The following BRD4 variants were observed in gnomAD, a reference collection of about 807,000 sequenced individuals.
BRD4 encodes the protein bromodomain containing 4, also known as bromodomain-containing protein 4.
BRD4 carries 16 observed loss-of-function variants against 142.1 expected under a neutral mutation model. The observed-to-expected ratio is 0.11, with a 90% CI of 0.08 to 0.17. The LOEUF is 0.17. Ranked by LOEUF, BRD4 falls within the 10% of genes least tolerant of loss-of-function variation. The pLI is 1.00. For missense variants in BRD4, 1,424 were observed against 1,810.9 expected (o/e 0.79, Z 3.88); for synonymous variants, 833 against 707.5 (o/e 1.18, Z -2.82).
intron 1 of BRD4, among the ~76,000 whole-genome samples, chr19:15,325,456 C>T (rs2145006612): frequency 6.6e-6 from 1 of 152,234 alleles, no homozygotes; most frequent in African/African-American, 2.4e-5. Context: ...CAAAGTCCAA[C>T]TCTGGGCAGG....
chr19:15,321,239 G>GGAAAGGAAA (rs201640008), intron 1 of BRD4, among the ~76,000 whole-genome samples: 1 of 151,186 alleles, frequency 6.6e-6, no homozygotes, highest in Non-Finnish European at 1.5e-5. Context: ...AATGGGAAAG[G>GGAAAGGAAA]GAAAGGAAAG....
chr19:15,312,483 T>C (rs1344787929), intron 1 of BRD4, among the ~76,000 whole-genome samples: 1 of 150,470 alleles, frequency 6.6e-6, no homozygotes, highest in Non-Finnish European at 1.5e-5. Flanking sequence ...ATACAAAAAA[T>C]TAGCTGGGCG....
At chr19:15,258,956 A>G (rs1438710173) in intron 7 of BRD4, among the ~76,000 whole-genome samples, 1 of 152,210 alleles carries the variant, frequency 6.6e-6, no homozygotes, top group East Asian at 1.9e-4. Flanking sequence ...GATACACAAC[A>G]AGGGACGACC....
In BRD4 at chr19:15,243,145, GGCGGCTGCTGCTGCA is replaced by G. The variant is rs1555735393; in HGVS notation, c.2909_2923del (p.Leu970_Pro974del). On this transcript the variant is annotated inframe_deletion, in exon 14 of 20. Coordinates refer to ENST00000679869, the MANE Select transcript of BRD4 (RefSeq NM_001379291.1). Reference sequence around the variant, plus strand: ...CTGGGGCTGGGGTGGTGGGGGTGGTGGCGGCTGCTGCTGCAGCTGCTGCTGCACAGAGGGGTGGGG... The same window carrying G: ...CTGGGGCTGGGGTGGTGGGGGTGGTGGCTGCTGCTGCACAGAGGGGTGGGG... 5.1e-6 allele frequency: 6 copies of G among 1,165,606 alleles called. No homozygotes were observed. Among genetic ancestry groups the G allele is most frequent in the Non-Finnish European group, 7.0e-6 (6 of 855,010 alleles). The allele number at this position is 1,165,606 out of a possible 1,614,324, so 72.2% of individuals were successfully genotyped here.
Position 15,253,608 on chromosome 19 carries a change from G to A in BRD4, c.2158+544C>T, listed in dbSNP as rs766756904. 9 of 1,594,210 alleles carry A rather than the reference G, an allele frequency of 5.6e-6. No homozygotes were observed. The South Asian group carries it at 7.7e-5, about 14-fold the overall frequency. On this transcript the variant is annotated intron_variant, in intron 11 of 19. Transcript: ENST00000679869. ...CACACTCTGGGGAGGGGTAGGCAAT[G>A]GCTGGGGCCCAGGTGATGGCAGGGC...
chr19:15,238,171 T>G lies in BRD4; in HGVS notation c.*206A>C. On this transcript the variant is annotated 3_prime_UTR_variant, in exon 20 of 20. Transcript: ENST00000679869. The surrounding 1 kb of genome is among the most constrained non-coding windows in gnomAD (Gnocchi z 7.2). ...CGGACGTCCTGTGAGGGGTGGTGGGTGGCGGGACGTCTGTCCGACTGGCCG... is the reference window on the plus strand; with the variant it reads ...CGGACGTCCTGTGAGGGGTGGTGGGGGGCGGGACGTCTGTCCGACTGGCCG... 1 of 723,860 alleles carries G rather than the reference T, an allele frequency of 1.4e-6. No homozygotes were observed. The highest frequency in any genetic ancestry group is 1.8e-5 in the African/African-American group (1 of 56,000). The allele number at this position is 723,860 out of a possible 1,614,324, so 44.8% of individuals were successfully genotyped here.
chr19:15,321,348 G>A (rs966423042), intron 1 of BRD4, among the ~76,000 whole-genome samples: 8 of 150,642 alleles, frequency 5.3e-5, no homozygotes, highest in Non-Finnish European at 1.2e-4. Flanking sequence ...ATCCCATCTA[G>A]CATGCCTCTT....
At chr19:15,289,721 T>C (rs2047767400) in intron 1 of BRD4, among the ~76,000 whole-genome samples, 2 of 149,196 alleles carry the variant, frequency 1.3e-5, no homozygotes, top group South Asian at 2.1e-4. Flanking sequence ...ACCATCCTAA[T>C]AGATCTGATG....
chr19:15,331,914 G>A (rs1426210252), intron 1 of BRD4: 10 of 145,808 alleles, frequency 6.9e-5, no homozygotes, highest in African/African-American at 2.5e-4. Context: ...AAATGGCGGC[G>A]GCAGGAAGTG....
intron 1 of BRD4, among the ~76,000 whole-genome samples, chr19:15,328,068 CAAT>C (rs1339676371): frequency 5.9e-5 from 9 of 152,068 alleles, no homozygotes; most frequent in Admixed American, 5.9e-4. Flanking sequence ...TAGGATTTTA[CAAT>C]AATAGTATGC....
chr19:15,320,386 T>A (rs143575171), intron 1 of BRD4, among the ~76,000 whole-genome samples: 2 of 152,304 alleles, frequency 1.3e-5, no homozygotes, highest in East Asian at 3.9e-4. Flanking sequence ...AAATTACAAC[T>A]GTACCTTTTG....
chr19:15,242,803 G>A (rs1195377304), intron 14 of BRD4, 97 bp downstream of exon 14: 4 of 1,522,674 alleles, frequency 2.6e-6, no homozygotes, highest in South Asian at 2.5e-5. Flanking sequence ...TGAACCCACT[G>A]CAGCCTGAAG....
chr19:15,249,971 T>C (rs1233727360), intron 11 of BRD4, among the ~76,000 whole-genome samples: 1 of 152,146 alleles, frequency 6.6e-6, no homozygotes, highest in Admixed American at 6.5e-5. Flanking sequence ...TAAAGTCTTG[T>C]CCTTTCTTTC....
At chr19:15,266,118 G>A (rs1393724585) in intron 4 of BRD4, among the ~76,000 whole-genome samples, 1 of 152,254 alleles carries the variant, frequency 6.6e-6, no homozygotes, top group African/African-American at 2.4e-5. Context: ...GGGGGCAGCT[G>A]GACTGCTGCC....
At chr19:15,270,322 T>G (rs2047573662) in intron 2 of BRD4, among the ~76,000 whole-genome samples, 1 of 152,152 alleles carries the variant, frequency 6.6e-6, no homozygotes, top group African/African-American at 2.4e-5. Context: ...AAGGGCCACC[T>G]GCTTACATGT....
Position 15,244,593 on chromosome 19 carries a change from T to G in BRD4, c.2219A>C (p.His740Pro), listed in dbSNP as rs968703382. The change falls in exon 13 of 20, where the codon CAT (histidine) becomes CCT (proline). Residue 740 changes from histidine (H) to proline (P), a missense_variant. By Grantham distance (77) the His-to-Pro change is moderately conservative. This residue lies in a region of BRD4 where 598 missense variants were observed against 647.8 expected (regional missense o/e 0.92). Coordinates refer to ENST00000679869, the MANE Select transcript of BRD4 (RefSeq NM_001379291.1). ...HPGREQKKHH[H>P]HHHQQMQQAP... ...CTGCTGCATCTGCTGATGGTGGTGATGATGGTGCTGCAGACAGAGAGACAG... is the reference window on the plus strand; with the variant it reads ...CTGCTGCATCTGCTGATGGTGGTGAGGATGGTGCTGCAGACAGAGAGACAG... 1.2e-6 allele frequency: 2 copies of G among 1,611,300 alleles called. No individual in the cohort carries two copies. The highest frequency in any genetic ancestry group is 2.7e-5 in the African/African-American group (2 of 74,804).
intron 1 of BRD4, among the ~76,000 whole-genome samples, chr19:15,304,890 G>T (rs960482476): frequency 6.6e-6 from 1 of 152,000 alleles, no homozygotes; most frequent in Non-Finnish European, 1.5e-5. Context: ...TGGATCAAGG[G>T]CATGAATTGG....
At chr19:15,245,454 T>A (rs1317556400) in intron 11 of BRD4, among the ~76,000 whole-genome samples, 2 of 151,960 alleles carry the variant, frequency 1.3e-5, no homozygotes, top group African/African-American at 4.8e-5. Context: ...ACCTCAGAAG[T>A]CCCTGCTTTG....
intron 1 of BRD4, among the ~76,000 whole-genome samples, chr19:15,304,740 GACCTC>G (rs1165518255): frequency 6.6e-6 from 1 of 152,086 alleles, no homozygotes; most frequent in African/African-American, 2.4e-5. Context: ...GCTGTATTCC[GACCTC>G]ACAAGAACCT....
Sources: gnomAD v4.1 joint callset for allele counts (sites outside exome capture counted in the v4.1 genomes callset) on GRCh38, gnomAD v4.1.1 for gene constraint, gnomAD v4.1.1 regional missense constraint, Gnocchi (gnomAD v3.1) non-coding constraint, MANE v1.5 for transcripts, NCBI Gene and HGNC (gene_info 2026-07-23, HGNC 2026-07-21) for gene names.